VAT1L: variants seen among roughly 807,000 people sequenced by gnomAD.
VAT1L encodes the protein putative NADPH-dependent quinone oxidoreductase VAT1L.
VAT1L carries 34 observed loss-of-function variants against 44.1 expected under a neutral mutation model. The ratio of observed to expected loss-of-function variants is 0.77; its 90% CI spans 0.59 to 1.03. VAT1L has a LOEUF of 1.03. Among genes scored for constraint, VAT1L ranks in the 50% least tolerant of loss-of-function variants. The pLI is 0.00. For missense variants in VAT1L, 615 were observed against 538.8 expected (o/e 1.14, Z -1.40); for synonymous variants, 253 against 202.2 (o/e 1.25, Z -2.13).
chr16:77,860,895 G>A (rs1188543753), intron 3 of VAT1L, among the ~76,000 whole-genome samples: 1 of 152,182 alleles, frequency 6.6e-6, no homozygotes, highest in Admixed American at 6.5e-5. Context: ...AGCCTGCTTT[G>A]CTTAAAATGT....
chr16:77,927,607 G>A (rs960498291), intron 7 of VAT1L, among the ~76,000 whole-genome samples: 1 of 152,052 alleles, frequency 6.6e-6, no homozygotes, highest in African/African-American at 2.4e-5. Context: ...GCCAGGCGCG[G>A]TAGCTTTTGC....
At chr16:77,928,686 C>T (rs779015143) in intron 7 of VAT1L, among the ~76,000 whole-genome samples, 1 of 152,136 alleles carries the variant, frequency 6.6e-6, no homozygotes, top group Non-Finnish European at 1.5e-5. Flanking sequence ...TTTCATATTA[C>T]TCACCAAAAT....
chr16:77,855,774 C>T (rs754324226), intron 3 of VAT1L, among the ~76,000 whole-genome samples: 67 of 152,186 alleles, frequency 4.4e-4, no homozygotes, highest in Non-Finnish European at 7.6e-4. Context: ...AATCCCAGCA[C>T]TTTGGGAAGC....
At chr16:77,798,513 T>C (rs1052630893) in intron 1 of VAT1L, among the ~76,000 whole-genome samples, 6 of 152,234 alleles carry the variant, frequency 3.9e-5, no homozygotes, top group Admixed American at 6.5e-5. Flanking sequence ...ATACATTTCA[T>C]ATTTGTTGAA....
chr16:77,961,928 G>T (rs1227014836), intron 7 of VAT1L, among the ~76,000 whole-genome samples: 1 of 152,152 alleles, frequency 6.6e-6, no homozygotes, highest in Non-Finnish European at 1.5e-5. Context: ...CATCATTTTT[G>T]TCATTATCAT....
intron 7 of VAT1L, among the ~76,000 whole-genome samples, chr16:77,922,820 C>A (rs2017626481): frequency 6.6e-6 from 1 of 152,192 alleles, no homozygotes; most frequent in African/African-American, 2.4e-5. Context: ...CCTAAGTTTG[C>A]CTGACTTTCC....
At chr16:77,942,803 G>T (rs1416050139) in intron 7 of VAT1L, among the ~76,000 whole-genome samples, 1 of 152,032 alleles carries the variant, frequency 6.6e-6, no homozygotes, top group Non-Finnish European at 1.5e-5. Context: ...AGAGTGCAGT[G>T]GCACAATCTG....
intron 1 of VAT1L, among the ~76,000 whole-genome samples, chr16:77,804,776 G>A (rs908027211): frequency 3.9e-5 from 6 of 152,134 alleles, no homozygotes; most frequent in Non-Finnish European, 8.8e-5. Context: ...TGGAAAAGGC[G>A]GTGGTCTTTA....
intron 4 of VAT1L, among the ~76,000 whole-genome samples, chr16:77,874,925 T>G (rs1458866845): frequency 1.3e-5 from 2 of 151,102 alleles, no homozygotes; most frequent in Non-Finnish European, 2.9e-5. Context: ...GAGCTGGAAT[T>G]AGCAGTGGCA....
intron 3 of VAT1L, among the ~76,000 whole-genome samples, chr16:77,852,309 C>T (rs2016816031): frequency 6.6e-6 from 1 of 152,206 alleles, no homozygotes; most frequent in African/African-American, 2.4e-5. Flanking sequence ...GCAAAAGTCA[C>T]CTCCCTCCCA....
rs10553687 is a variant in VAT1L, at chr16:77,920,927, CTGTGTG to C, written c.1077+36141_1077+36146del. On this transcript the variant is annotated intron_variant, in intron 7 of 8. Transcript: ENST00000302536. The stretch of plus-strand genomic sequence containing the variant: ...ATCCTCATCATTAGGTGTCATATGA[CTGTGTG>C]TGTGTGTGTGTGTGTAGTGTGTATG... Among the ~76,000 whole-genome samples the C allele has an allele frequency of 9.8e-3, 1,478 of 150,778 alleles. 21 individuals carry two copies. The highest frequency in any genetic ancestry group is 0.034 in the African/African-American group (1,401 of 41,098).
intron 8 of VAT1L, among the ~76,000 whole-genome samples, chr16:77,976,311 T>C (rs1477783602): frequency 1.3e-5 from 2 of 152,156 alleles, no homozygotes; most frequent in African/African-American, 2.4e-5. Flanking sequence ...AATAGGGAGA[T>C]TGTTCCAGTT....
At chr16:77,840,057 G>A (rs2016689055) in intron 3 of VAT1L, among the ~76,000 whole-genome samples, 1 of 151,964 alleles carries the variant, frequency 6.6e-6, no homozygotes, top group African/African-American at 2.4e-5. Context: ...TGTAAAATTG[G>A]CAAAACACCT....
At chr16:77,877,512 C>CAAAA (rs55704400) in intron 5 of VAT1L, among the ~76,000 whole-genome samples, 1,132 of 86,618 alleles carry the variant, frequency 0.013, 93 homozygotes, top group Non-Finnish European at 0.021. Context: ...GACTCTGTCT[C>CAAAA]AAAAAAAAAA....
At chr16:77,791,452 C>G (rs1040173542) in intron 1 of VAT1L, among the ~76,000 whole-genome samples, 4 of 152,224 alleles carry the variant, frequency 2.6e-5, no homozygotes, top group African/African-American at 9.6e-5. Context: ...ATCATGGACC[C>G]TTTTTCATTA....
chr16:77,927,377 AGT>A (rs2017681880), intron 7 of VAT1L, among the ~76,000 whole-genome samples: 1 of 151,610 alleles, frequency 6.6e-6, no homozygotes, highest in Non-Finnish European at 1.5e-5. Flanking sequence ...CTTTGCATAT[AGT>A]GAGTACTACT....
intron 4 of VAT1L, among the ~76,000 whole-genome samples, chr16:77,863,242 G>A (rs957508982): frequency 6.6e-6 from 1 of 152,196 alleles, no homozygotes; most frequent in African/African-American, 2.4e-5. Flanking sequence ...CAGAGACCCA[G>A]GCTCTTTTCA....
intron 4 of VAT1L, among the ~76,000 whole-genome samples, chr16:77,873,946 G>C (rs963067386): frequency 1.3e-5 from 2 of 152,290 alleles, no homozygotes; most frequent in East Asian, 3.9e-4. Flanking sequence ...GGAGTTTATA[G>C]GCCACTGTTG....
intron 7 of VAT1L, among the ~76,000 whole-genome samples, chr16:77,899,652 G>T (rs904030166): frequency 1.6e-4 from 25 of 152,322 alleles, no homozygotes; most frequent in African/African-American, 5.8e-4. Context: ...ATCATTCAGT[G>T]AGTTTGCTCA....
Sources: gnomAD v4.1 joint callset for allele counts (sites outside exome capture counted in the v4.1 genomes callset) on GRCh38, gnomAD v4.1.1 for gene constraint, MANE v1.5 for transcripts, NCBI Gene and HGNC (gene_info 2026-07-23, HGNC 2026-07-21) for gene names.